Variants in COP1 observed in about 807,000 individuals in gnomAD.
The protein encoded by COP1 is COP1 E3 ubiquitin ligase, also known as E3 ubiquitin-protein ligase COP1.
A neutral mutation model predicts 101.3 loss-of-function variants in COP1; 24 were observed. The ratio of observed to expected loss-of-function variants is 0.24; its 90% CI spans 0.17 to 0.33. The LOEUF is 0.33. Ranked by LOEUF, COP1 falls within the 10% of genes least tolerant of loss-of-function variation. The probability of loss-of-function intolerance (pLI) is 1.00; values close to 1 mark genes in which losing one functional copy is unlikely to be tolerated. For synonymous variants in COP1, 347 were observed against 341.9 expected, an observed-to-expected ratio of 1.01 and a Z score of -0.17; for missense variants, 663 against 906.2, an observed-to-expected ratio of 0.73 and a Z score of 3.45.
At chr1:175,964,739 AG>A (rs1430320456) in intron 18 of COP1, among the ~76,000 whole-genome samples, 1 of 152,236 alleles carries the variant, frequency 6.6e-6, no homozygotes, top group East Asian at 1.9e-4. Context: ...CTGCAAATAC[AG>A]CTCCCTGGAG....
At chr1:176,043,326 G>T in intron 13 of COP1, 59 bp from the exon 14 acceptor site, 2 of 1,025,802 alleles carry the variant, frequency 1.9e-6, no homozygotes, top group Non-Finnish European at 2.9e-6. Context: ...AATGAATAAA[G>T]CAAGAAAAAA....
At chr1:176,103,834 A>G (rs2149518461) in intron 9 of COP1, among the ~76,000 whole-genome samples, 1 of 152,332 alleles carries the variant, frequency 6.6e-6, no homozygotes, top group Non-Finnish European at 1.5e-5. Flanking sequence ...AATCAGTATC[A>G]TAAAGATGTC....
intron 1 of COP1, among the ~76,000 whole-genome samples, chr1:176,201,876 A>G (rs1437314251): frequency 6.6e-6 from 1 of 152,226 alleles, no homozygotes; most frequent in Non-Finnish European, 1.5e-5. Flanking sequence ...TGACTTTTGC[A>G]GATTCAAATA....
At chr1:175,976,254 A>T (rs10913116) in intron 18 of COP1, among the ~76,000 whole-genome samples, 1 of 139,818 alleles carries the variant, frequency 7.2e-6, no homozygotes, top group African/African-American at 2.6e-5. Context: ...ATAAGTCTCT[A>T]TATCAATTAG....
intron 18 of COP1, among the ~76,000 whole-genome samples, chr1:175,979,901 T>C (rs1037061415): frequency 1.6e-4 from 25 of 152,154 alleles, no homozygotes; most frequent in Admixed American, 5.2e-4. Flanking sequence ...GCTTGAAGTG[T>C]TGTATCGTTC....
intron 1 of COP1, among the ~76,000 whole-genome samples, chr1:176,199,113 C>T (rs571582325): frequency 5.5e-4 from 83 of 152,022 alleles, no homozygotes; most frequent in Non-Finnish European, 1.1e-3. Flanking sequence ...GTCCAGGGAT[C>T]GAGACCAACC....
chr1:176,134,084 A>G, intron 8 of COP1, among the ~76,000 whole-genome samples: 1 of 151,964 alleles, frequency 6.6e-6, no homozygotes, highest in South Asian at 2.1e-4. Flanking sequence ...TAACTAGAAC[A>G]TCCCTGCACC....
chr1:175,997,795 T>C (rs538149294), intron 15 of COP1, among the ~76,000 whole-genome samples: 1 of 152,232 alleles, frequency 6.6e-6, no homozygotes, highest in East Asian at 1.9e-4. Flanking sequence ...TTTTACACTG[T>C]TGGTGGGACT....
intron 3 of COP1, among the ~76,000 whole-genome samples, chr1:176,174,398 T>G (rs549859822): frequency 6.6e-6 from 1 of 152,320 alleles, no homozygotes; most frequent in South Asian, 2.1e-4. Flanking sequence ...TCCTGCAAGG[T>G]ACCATGCCAC....
In COP1 at chr1:175,946,981, C is replaced by T. The variant is rs182412942; in HGVS notation, c.2178+214G>A. On this transcript the variant is annotated intron_variant, in intron 19 of 19. Transcript: ENST00000367669. ...TTTTCAAACTGACCATCTATTAATC[C>T]ATCCAGCATCCATACAACCTCAATA... is the stretch of plus-strand genomic sequence containing the variant. Among the ~76,000 whole-genome samples the T allele has an allele frequency of 1.3e-3, 199 of 152,278 alleles. 2 individuals carry two copies. The highest frequency in any genetic ancestry group is 4.5e-3 in the African/African-American group (185 of 41,544).
At chr1:175,974,325 A>G (rs1653987077) in intron 18 of COP1, among the ~76,000 whole-genome samples, 1 of 152,224 alleles carries the variant, frequency 6.6e-6, no homozygotes, top group African/African-American at 2.4e-5. Context: ...AAGTCTTTAA[A>G]TTTATGAAAT....
chr1:176,202,856 A>G (rs181895304), intron 1 of COP1, among the ~76,000 whole-genome samples: 413 of 142,508 alleles, frequency 2.9e-3, no homozygotes, highest in Non-Finnish European at 5.4e-3. Context: ...CATGACACTA[A>G]GAGAGGCAAT....
intron 3 of COP1, 70 bp downstream of exon 3, chr1:176,175,840 T>C: frequency 1.2e-6 from 1 of 838,558 alleles, no homozygotes; most frequent in East Asian, 2.5e-5. Context: ...GTTTTCTGAA[T>C]AAATTAGCGC....
At chr1:176,143,140 G>A (rs867450875) in intron 6 of COP1, among the ~76,000 whole-genome samples, 43 of 149,264 alleles carry the variant, frequency 2.9e-4, no homozygotes, top group African/African-American at 8.4e-4. Context: ...GAGAGAGAGC[G>A]AGAGAAAGAG....
At chr1:176,023,834 A>C (rs1667215084) in intron 15 of COP1, among the ~76,000 whole-genome samples, 1 of 152,188 alleles carries the variant, frequency 6.6e-6, no homozygotes, top group African/African-American at 2.4e-5. Flanking sequence ...TCTCTAATGA[A>C]TTCTATCAAA....
intron 6 of COP1, among the ~76,000 whole-genome samples, chr1:176,144,842 C>T (rs1394197203): frequency 6.6e-6 from 1 of 151,962 alleles, no homozygotes; most frequent in Non-Finnish European, 1.5e-5. Context: ...ATCTCTATAC[C>T]TCACATTATA....
chr1:176,061,030 G>A (rs1019561209), intron 11 of COP1, among the ~76,000 whole-genome samples: 2 of 152,108 alleles, frequency 1.3e-5, no homozygotes, highest in Non-Finnish European at 2.9e-5. Flanking sequence ...TAACAAAGAC[G>A]GAGAACTTAT....
At position 176,087,698 on chromosome 1, in the gene COP1, G is replaced by A. The variant is rs148161158; in HGVS notation, c.1027-1808C>T. ...CAACCATTGTGGAAGACAATGTGGC[G>A]ATTCCTCAAGAATCTAGAACTAGAA... On this transcript the variant is annotated intron_variant, in intron 9 of 19. Coordinates refer to ENST00000367669, the MANE Select transcript of COP1 (RefSeq NM_022457.7). 3.5e-3 allele frequency among the ~76,000 whole-genome samples: 540 copies of A among 152,282 alleles called. 9 individuals carry two copies. Among genetic ancestry groups the A allele is most frequent in the East Asian group, 0.031 (160 of 5,184 alleles).
intron 9 of COP1, among the ~76,000 whole-genome samples, chr1:176,114,054 A>G (rs1212321200): frequency 6.6e-6 from 1 of 151,702 alleles, no homozygotes; most frequent in East Asian, 1.9e-4. Flanking sequence ...CACAGGGAGT[A>G]GCCTTGTCTG....
Sources: allele counts gnomAD v4.1 joint callset (sites outside exome capture counted in the v4.1 genomes callset), GRCh38; gene constraint gnomAD v4.1.1; transcripts MANE v1.5; gene names NCBI Gene and HGNC (gene_info 2026-07-23, HGNC 2026-07-21).